Variants in PTCHD4 observed in about 807,000 individuals in gnomAD.
The protein encoded by PTCHD4 is patched domain containing 4.
Under a neutral mutation model 58.1 loss-of-function variants are expected in PTCHD4, and 33 were observed. That is an observed-to-expected ratio of 0.57 (90% CI 0.43 to 0.76). The LOEUF (loss-of-function observed/expected upper bound fraction) is 0.76. Ranked by LOEUF, PTCHD4 falls within the 30% of genes least tolerant of loss-of-function variation. The pLI is 0.00. For synonymous variants in PTCHD4, 478 were observed against 409.6 expected, an observed-to-expected ratio of 1.17 and a Z score of -2.02; for missense variants, 1,058 against 1,027.1, an observed-to-expected ratio of 1.03 and a Z score of -0.41.
chr6:47,945,412 C>T (rs535390534), intron 4 of PTCHD4, among the ~76,000 whole-genome samples: 1 of 152,154 alleles, frequency 6.6e-6, no homozygotes, highest in African/African-American at 2.4e-5. Flanking sequence ...AAATACTTTA[C>T]AAATATCCTT....
intron 4 of PTCHD4, among the ~76,000 whole-genome samples, chr6:47,907,072 C>T (rs936074493): frequency 1.3e-5 from 2 of 152,116 alleles, no homozygotes; most frequent in Non-Finnish European, 2.9e-5. Flanking sequence ...ACATAGAACA[C>T]CATCTGAAAC....
intron 3 of PTCHD4, among the ~76,000 whole-genome samples, chr6:48,024,518 A>AG (rs1348324690): frequency 1.3e-5 from 2 of 152,134 alleles, no homozygotes; most frequent in East Asian, 3.9e-4. Context: ...ACCTAGACAT[A>AG]GGCTTTCTCT....
At chr6:47,885,580 A>G (rs891681470) in intron 4 of PTCHD4, among the ~76,000 whole-genome samples, 20 of 152,228 alleles carry the variant, frequency 1.3e-4, no homozygotes, top group African/African-American at 4.3e-4. Context: ...GTCCTCAGTG[A>G]GGTGGGGAGC....
intron 1 of PTCHD4, among the ~76,000 whole-genome samples, chr6:48,073,195 C>A (rs887094529): frequency 6.6e-6 from 1 of 152,078 alleles, no homozygotes; most frequent in Non-Finnish European, 1.5e-5. Flanking sequence ...TTAATTGGTT[C>A]TTTAGTTCAA....
rs144496037 is a variant in PTCHD4, at chr6:47,917,638, C to T, written c.899-37702G>A. Among the ~76,000 whole-genome samples, 543 of 152,224 alleles carry T rather than the reference C, an allele frequency of 3.6e-3. 7 individuals carry two copies. The highest frequency in any genetic ancestry group is 0.012 in the African/African-American group (516 of 41,564). ...TTCCTCAAACTCAAATAAATTGAGA[C>T]ATTCGCTGGAGAAAAAAGGTCTGAA... On this transcript the variant is annotated intron_variant, in intron 4 of 4. Transcript: ENST00000339488.
At chr6:47,981,602 T>C (rs1767885216) in intron 4 of PTCHD4, among the ~76,000 whole-genome samples, 1 of 152,194 alleles carries the variant, frequency 6.6e-6, no homozygotes, top group South Asian at 2.1e-4. Context: ...TGTTCTTTTC[T>C]TAATTTTGTG....
intron 3 of PTCHD4, among the ~76,000 whole-genome samples, chr6:48,036,139 G>T (rs1763626896): frequency 6.6e-6 from 1 of 151,926 alleles, no homozygotes; most frequent in Non-Finnish European, 1.5e-5. Flanking sequence ...CAGGAAAATG[G>T]CAAAAAGTTT....
intron 4 of PTCHD4, among the ~76,000 whole-genome samples, chr6:47,990,150 T>C (rs1212320642): frequency 6.6e-6 from 1 of 152,182 alleles, no homozygotes; most frequent in Non-Finnish European, 1.5e-5. Context: ...CCCTTTGGAA[T>C]GACTATATTT....
chr6:48,068,794 C>CTCCATGCGCTCCT lies in PTCHD4; in HGVS notation c.6-154_6-153insAGGAGCGCATGGA. On this transcript the variant is annotated intron_variant, in intron 2 of 4. Coordinates refer to ENST00000339488, the MANE Select transcript of PTCHD4 (RefSeq NM_001384253.1). The surrounding 1 kb of genome is among the most constrained non-coding windows in gnomAD (Gnocchi z 4.2). ...ACTCCGCCTGGTCTTTCCCCGGCCC[C>CTCCATGCGCTCCT]ACCTCCATGCGCTCCTACTACTCTT... 3 of 666,258 alleles carry CTCCATGCGCTCCT rather than the reference C, an allele frequency of 4.5e-6. No individual in the cohort carries two copies. Among genetic ancestry groups the CTCCATGCGCTCCT allele is most frequent in the Non-Finnish European group, 7.5e-6 (3 of 397,750 alleles). The allele number at this position is 666,258 out of a possible 1,614,324, so 41.3% of individuals were successfully genotyped here.
At chr6:47,970,193 T>C (rs112231367) in intron 4 of PTCHD4, among the ~76,000 whole-genome samples, 104 of 152,234 alleles carry the variant, frequency 6.8e-4, no homozygotes, top group African/African-American at 2.3e-3. Context: ...ATACAGAGCA[T>C]ATTGAGCACA....
intron 4 of PTCHD4, among the ~76,000 whole-genome samples, chr6:47,930,681 G>C (rs2113904511): frequency 6.6e-6 from 1 of 152,320 alleles, no homozygotes; most frequent in South Asian, 2.1e-4. Context: ...ATTTGAGTGA[G>C]TTAGCAGCTT....
At chr6:48,092,784 C>T (rs545618444) in intron 1 of PTCHD4, among the ~76,000 whole-genome samples, 2 of 152,284 alleles carry the variant, frequency 1.3e-5, no homozygotes, top group South Asian at 2.1e-4. Flanking sequence ...CTCCCCTTCC[C>T]TAGCATGGGA....
intron 4 of PTCHD4, among the ~76,000 whole-genome samples, chr6:47,993,874 G>A (rs1768372354): frequency 6.6e-6 from 1 of 152,152 alleles, no homozygotes; most frequent in Non-Finnish European, 1.5e-5. Flanking sequence ...TATGGGCAGA[G>A]CCAATGGAAA....
At chr6:47,912,926 C>G (rs1057193935) in intron 4 of PTCHD4, among the ~76,000 whole-genome samples, 1 of 152,098 alleles carries the variant, frequency 6.6e-6, no homozygotes, top group African/African-American at 2.4e-5. Flanking sequence ...GCTTTTCTAT[C>G]TTTCGCCTTG....
rs1334345171 is a variant in PTCHD4, at chr6:47,870,234, A to G, written c.*8069T>C. On this transcript the variant is annotated 3_prime_UTR_variant, in exon 5 of 5. Transcript: ENST00000339488. ...TTTTTTTCCAAGTAGCTAAGATTTA[A>G]TTGTTATTTTTCTTAAGATTTGTAC... is the stretch of plus-strand genomic sequence containing the variant. Among the ~76,000 whole-genome samples the G allele has an allele frequency of 6.6e-6, 1 of 151,646 alleles. No individual in the cohort carries two copies. The highest frequency in any genetic ancestry group is 6.6e-5 in the Admixed American group (1 of 15,184).
chr6:47,901,874 C>T (rs921754028), intron 4 of PTCHD4: 1 of 1,303,256 alleles, frequency 7.7e-7, no homozygotes, highest in African/African-American at 1.5e-5. Flanking sequence ...CTCCTTCCTT[C>T]TCTCCTTTCT....
intron 4 of PTCHD4, among the ~76,000 whole-genome samples, chr6:47,895,368 A>G (rs1420301730): frequency 6.6e-6 from 1 of 152,190 alleles, no homozygotes; most frequent in Non-Finnish European, 1.5e-5. Flanking sequence ...TTTTCAGACC[A>G]TATTCACTTA....
At chr6:47,880,293 C>T (rs552211662) in intron 4 of PTCHD4, among the ~76,000 whole-genome samples, 8 of 152,288 alleles carry the variant, frequency 5.3e-5, no homozygotes, top group South Asian at 2.1e-4. Flanking sequence ...GTTATTTGTG[C>T]GCCTTCAAAT....
chr6:48,092,819 G>T (rs1037257017), intron 1 of PTCHD4, among the ~76,000 whole-genome samples: 4 of 152,124 alleles, frequency 2.6e-5, no homozygotes, highest in African/African-American at 9.7e-5. Flanking sequence ...GGCCACCAAG[G>T]CAAGATCCTT....
Sources: allele counts gnomAD v4.1 joint callset (sites outside exome capture counted in the v4.1 genomes callset), GRCh38; gene constraint gnomAD v4.1.1; non-coding constraint Gnocchi (gnomAD v3.1); transcripts MANE v1.5; gene names NCBI Gene and HGNC (gene_info 2026-07-23, HGNC 2026-07-21).